Variants in STK32C observed in about 807,000 individuals in gnomAD.
The protein encoded by STK32C is serine/threonine-protein kinase 32C.
STK32C carries 31 observed loss-of-function variants against 56.5 expected under a neutral mutation model. That is an observed-to-expected ratio of 0.55 (90% CI 0.41 to 0.74). The LOEUF (loss-of-function observed/expected upper bound fraction) is 0.74. STK32C is among the 30% of genes least tolerant of loss of function. STK32C has a pLI of 0.00. For missense variants in STK32C, 544 were observed against 676.9 expected, an observed-to-expected ratio of 0.80 and a Z score of 2.18; for synonymous variants, 309 against 289.4, an observed-to-expected ratio of 1.07 and a Z score of -0.69.
chr10:132,225,192 G>A (rs1227057907), intron 7 of STK32C, 41 bp downstream of exon 7: 3 of 1,522,154 alleles, frequency 2.0e-6, no homozygotes, highest in South Asian at 1.3e-5. Context: ...CAGAGAGCAG[G>A]GGCCTGGCAG....
intron 10 of STK32C, among the ~76,000 whole-genome samples, chr10:132,216,942 T>C (rs1266829202): frequency 1.3e-5 from 2 of 152,238 alleles, no homozygotes; most frequent in Non-Finnish European, 2.9e-5. Flanking sequence ...GGAGAACCTC[T>C]GCTAGGGCAA....
At chr10:132,241,023 C>T (rs1261142084) in intron 2 of STK32C, among the ~76,000 whole-genome samples, 1 of 152,268 alleles carries the variant, frequency 6.6e-6, no homozygotes, top group South Asian at 2.1e-4. Context: ...AATCCGGCCT[C>T]TGCCCCTACA....
chr10:132,215,304 T>A (rs1464877061), intron 10 of STK32C, among the ~76,000 whole-genome samples: 1 of 152,084 alleles, frequency 6.6e-6, no homozygotes, highest in Non-Finnish European at 1.5e-5. Flanking sequence ...CCTGCCTAAT[T>A]TTTTTGTCTT....
chr10:132,224,144 C>CT (rs2062787724), intron 8 of STK32C, among the ~76,000 whole-genome samples: 1 of 152,130 alleles, frequency 6.6e-6, no homozygotes, highest in South Asian at 2.1e-4. Context: ...GTGAGGGTGC[C>CT]TGGAGACGCA....
intron 2 of STK32C, among the ~76,000 whole-genome samples, chr10:132,245,042 A>G (rs1046443403): frequency 6.6e-6 from 1 of 152,236 alleles, no homozygotes; most frequent in Non-Finnish European, 1.5e-5. Flanking sequence ...CCCAGGCCTC[A>G]AGTAACCCAG....
chr10:132,236,752 C>T (rs955868475), intron 2 of STK32C, among the ~76,000 whole-genome samples: 4 of 152,182 alleles, frequency 2.6e-5, no homozygotes, highest in Non-Finnish European at 5.9e-5. Context: ...CTTCCTTTCC[C>T]GGCCATTCAG....
At chr10:132,306,645 G>T (rs576299189) in intron 1 of STK32C, among the ~76,000 whole-genome samples, 1 of 152,336 alleles carries the variant, frequency 6.6e-6, no homozygotes, top group South Asian at 2.1e-4. Context: ...AATTTTGAAG[G>T]ATCCATCATA....
upstream of STK32C, among the ~76,000 whole-genome samples, chr10:132,308,320 A>G (rs1158093944): frequency 6.6e-6 from 1 of 151,996 alleles, no homozygotes; most frequent in African/African-American, 2.4e-5. Context: ...TGGCACGGGG[A>G]CTGCTGTGCC....
At chr10:132,243,971 C>A (rs1289537297) in intron 2 of STK32C, among the ~76,000 whole-genome samples, 1 of 152,216 alleles carries the variant, frequency 6.6e-6, no homozygotes, top group African/African-American at 2.4e-5. Flanking sequence ...GCTGGGGCCC[C>A]TGCTGCTGCA....
chr10:132,317,254 C>T (rs2066326299), intron 1 of STK32C, among the ~76,000 whole-genome samples: 1 of 152,052 alleles, frequency 6.6e-6, no homozygotes, highest in Non-Finnish European at 1.5e-5. Context: ...GAATCAGAGG[C>T]CTAAATGTAG....
intron 10 of STK32C, among the ~76,000 whole-genome samples, chr10:132,211,658 T>C (rs1462795081): frequency 1.3e-5 from 2 of 152,214 alleles, no homozygotes; most frequent in African/African-American, 4.8e-5. Flanking sequence ...TGACAGCCCC[T>C]GCCTCCTCCT....
At chr10:132,276,234 A>C (rs576742635) in intron 1 of STK32C, among the ~76,000 whole-genome samples, 11 of 152,348 alleles carry the variant, frequency 7.2e-5, no homozygotes, top group Admixed American at 5.9e-4. Context: ...TTTCAAGGGA[A>C]GATGCAGAAA....
chr10:132,221,594 TGGGTGAGTGTGA>T (rs2062655425), intron 10 of STK32C, among the ~76,000 whole-genome samples: 1 of 139,874 alleles, frequency 7.1e-6, no homozygotes, highest in Admixed American at 7.4e-5. Context: ...CCGATACACC[TGGGTGAGTGTGA>T]GGGCTTCAGA....
chr10:132,316,337 G>C (rs2066309358), intron 1 of STK32C, among the ~76,000 whole-genome samples: 1 of 152,166 alleles, frequency 6.6e-6, no homozygotes. Flanking sequence ...ATAAGGCCAG[G>C]CACGGTGACT....
chr10:132,252,870 G>A (rs1017397066), intron 1 of STK32C, among the ~76,000 whole-genome samples: 3 of 152,146 alleles, frequency 2.0e-5, no homozygotes, highest in Admixed American at 6.5e-5. Context: ...CCCGAGCGTG[G>A]GGCCGCCTCC....
At chr10:132,218,176 G>A (rs2062528356) in intron 10 of STK32C, among the ~76,000 whole-genome samples, 1 of 152,088 alleles carries the variant, frequency 6.6e-6, no homozygotes, top group Non-Finnish European at 1.5e-5. Flanking sequence ...AAATGAGCCA[G>A]GTGTGGTGGT....
At chr10:132,292,135 G>A (rs2065584712) in intron 1 of STK32C, among the ~76,000 whole-genome samples, 1 of 152,148 alleles carries the variant, frequency 6.6e-6, no homozygotes, top group African/African-American at 2.4e-5. Context: ...ACTCTCTAAA[G>A]TCAAGAAGAG....
At chr10:132,274,683 A>G (rs1352963591) in intron 1 of STK32C, among the ~76,000 whole-genome samples, 1 of 152,216 alleles carries the variant, frequency 6.6e-6, no homozygotes, top group Non-Finnish European at 1.5e-5. Flanking sequence ...CTGTCTGCAG[A>G]ATAAACCCGG....
chr10:132,331,081 G>A (rs779576227), intron 1 of STK32C, among the ~76,000 whole-genome samples: 2 of 150,368 alleles, frequency 1.3e-5, no homozygotes, highest in African/African-American at 4.9e-5. Flanking sequence ...CGCGCCTGTA[G>A]TCCCAGCTAC....
Sources: allele counts gnomAD v4.1 joint callset (sites outside exome capture counted in the v4.1 genomes callset), GRCh38; gene constraint gnomAD v4.1.1; transcripts MANE v1.5; gene names NCBI Gene and HGNC (gene_info 2026-07-23, HGNC 2026-07-21).